Variants in SRGAP3 observed in about 807,000 individuals in gnomAD.
SRGAP3 encodes the protein SLIT-ROBO Rho GTPase activating protein 3, also known as SLIT-ROBO Rho GTPase-activating protein 3.
In SRGAP3, 39 loss-of-function variants were observed where a neutral mutation model predicts 121.1. That is an observed-to-expected ratio of 0.32 (90% CI 0.25 to 0.42). The LOEUF (loss-of-function observed/expected upper bound fraction) is 0.42. SRGAP3 is among the 10% of genes least tolerant of loss of function. The pLI is 1.00. For synonymous variants in SRGAP3, 601 were observed against 570.0 expected (o/e 1.05, Z -0.77); for missense variants, 1,213 against 1,470.6 (o/e 0.82, Z 2.86).
At chr3:9,266,885 A>G (rs574816245) in intron 3 of SRGAP3, among the ~76,000 whole-genome samples, 53 of 152,266 alleles carry the variant, frequency 3.5e-4, no homozygotes, top group Admixed American at 1.8e-3. Flanking sequence ...GGCTTGGCCT[A>G]TAAATCCATG....
intron 12 of SRGAP3, among the ~76,000 whole-genome samples, chr3:9,032,415 T>C (rs1944530171): frequency 6.6e-6 from 1 of 152,182 alleles, no homozygotes; most frequent in South Asian, 2.1e-4. Flanking sequence ...TCTTTCATGA[T>C]CTGAATCCCT....
rs575871240 is a variant in SRGAP3, at chr3:9,308,080, G to A, written n.442+17930C>T. The stretch of plus-strand genomic sequence containing the variant: ...TGAGGCAGGAGAATCACTTGAACCC[G>A]GGAGGCATAAGTTACAGTGAGCTGA... On this transcript the variant is annotated intron_variant and non_coding_transcript_variant, in intron 3 of 3. Coordinates refer to the SRGAP3 transcript ENST00000490889. Among the ~76,000 whole-genome samples, 12 of 152,310 alleles carry A rather than the reference G, an allele frequency of 7.9e-5. No homozygotes were observed. In the South Asian group the frequency reaches 1.5e-3, roughly 18 times the overall value.
intron 3 of SRGAP3, among the ~76,000 whole-genome samples, chr3:9,292,419 T>C (rs1954885046): frequency 6.6e-6 from 1 of 152,170 alleles, no homozygotes; most frequent in Non-Finnish European, 1.5e-5. Flanking sequence ...CCATGAAGCC[T>C]TCTCTGCCTT....
At chr3:9,067,235 A>G (rs1227958275) in intron 4 of SRGAP3, among the ~76,000 whole-genome samples, 1 of 129,762 alleles carries the variant, frequency 7.7e-6, no homozygotes, top group Non-Finnish European at 1.6e-5. Context: ...CAAGCTCTGG[A>G]GAACATTAAC....
chr3:9,063,181 G>A (rs898361941), intron 5 of SRGAP3, among the ~76,000 whole-genome samples: 5 of 139,274 alleles, frequency 3.6e-5, no homozygotes, highest in Non-Finnish European at 6.0e-5. Context: ...TGCCCAGGCT[G>A]GAGTGCAGTG....
chr3:9,351,143 C>T (rs148151492), intron 1 of SRGAP3, among the ~76,000 whole-genome samples: 77 of 152,236 alleles, frequency 5.1e-4, no homozygotes, highest in Non-Finnish European at 9.3e-4. Context: ...TTGGAATTAG[C>T]CAGTGACACA....
At chr3:9,202,475 T>A (rs1952099615) in intron 1 of SRGAP3, among the ~76,000 whole-genome samples, 1 of 152,246 alleles carries the variant, frequency 6.6e-6, no homozygotes, top group Admixed American at 6.5e-5. Flanking sequence ...GGGCAGCTCC[T>A]GCACAGGATA....
intron 1 of SRGAP3, among the ~76,000 whole-genome samples, chr3:9,191,505 C>T (rs1173017204): frequency 6.6e-6 from 1 of 152,172 alleles, no homozygotes; most frequent in African/African-American, 2.4e-5. Context: ...AAGGAGGAAA[C>T]TCAGCCTGCC....
chr3:9,039,618 T>C (rs2662078), intron 10 of SRGAP3, among the ~76,000 whole-genome samples: 28,277 of 152,140 alleles, frequency 0.19, 2,682 homozygotes, highest in South Asian at 0.25. Flanking sequence ...AAAAAGATCT[T>C]TCATGCCCAC....
At chr3:9,328,503 A>G (rs1955553523) in intron 2 of SRGAP3, among the ~76,000 whole-genome samples, 1 of 152,218 alleles carries the variant, frequency 6.6e-6, no homozygotes, top group African/African-American at 2.4e-5. Flanking sequence ...AGCACTCTTT[A>G]ATAAAGTCCT....
At chr3:9,227,579 C>T (rs1953035689) in intron 1 of SRGAP3, among the ~76,000 whole-genome samples, 2 of 152,218 alleles carry the variant, frequency 1.3e-5, no homozygotes, top group South Asian at 4.1e-4. Flanking sequence ...GTCTGGCTTC[C>T]CAGTCCAATG....
upstream of SRGAP3, among the ~76,000 whole-genome samples, chr3:9,251,447 C>T (rs1954014908): frequency 6.6e-6 from 1 of 152,172 alleles, no homozygotes; most frequent in African/African-American, 2.4e-5. Context: ...AAGATGGGCA[C>T]AGAGATTAAC....
At chr3:9,223,020 A>G (rs1020869481) in intron 1 of SRGAP3, among the ~76,000 whole-genome samples, 2 of 152,226 alleles carry the variant, frequency 1.3e-5, no homozygotes, top group African/African-American at 4.8e-5. Context: ...AGGGGCTGAG[A>G]GTGCAGTCCT....
At position 9,239,205 on chromosome 3, in the gene SRGAP3, C is replaced by T. The variant is rs1444877361; in HGVS notation, c.67+9680G>A. Among the ~76,000 whole-genome samples, 2 of 152,082 alleles carry T rather than the reference C, an allele frequency of 1.3e-5. No homozygotes were observed. The highest frequency in any genetic ancestry group is 2.9e-5 in the Non-Finnish European group (2 of 68,014). On this transcript the variant is annotated intron_variant, in intron 1 of 21. Transcript: ENST00000383836. This position sits in a 1 kb window ranked among gnomAD's most constrained non-coding sequence, Gnocchi z 4.0. ...AACCAGCCTGGCCAACATGGTGATA[C>T]CCTGTCTCTACTAAAAATACAAAAA...
At chr3:9,060,412 T>A (rs1053266055) in intron 5 of SRGAP3, 53 bp from the exon 6 acceptor site, 2 of 1,598,682 alleles carry the variant, frequency 1.3e-6, no homozygotes, top group Non-Finnish European at 1.7e-6. Context: ...AGGACGGGGT[T>A]TGTGATTTTC....
At chr3:9,311,268 G>T (rs1434148585) in intron 3 of SRGAP3, among the ~76,000 whole-genome samples, 2 of 152,132 alleles carry the variant, frequency 1.3e-5, no homozygotes, top group Non-Finnish European at 2.9e-5. Flanking sequence ...ACTCTAGGAA[G>T]ATAATCGCGA....
At chr3:9,297,910 AG>A (rs1275291062) in intron 3 of SRGAP3, among the ~76,000 whole-genome samples, 3 of 151,620 alleles carry the variant, frequency 2.0e-5, no homozygotes. Flanking sequence ...AAAAAAAAAG[AG>A]AAAGAGAGTA....
chr3:9,362,913 CCG>C (rs1341988509), exon 1 of SRGAP3: 1 of 152,270 alleles, frequency 6.6e-6, no homozygotes, highest in Non-Finnish European at 1.5e-5. Context: ...CCCTGACTCT[CCG>C]CTTTCAGCTT....
At chr3:9,230,451 A>C (rs1953161157) in intron 1 of SRGAP3, among the ~76,000 whole-genome samples, 1 of 152,178 alleles carries the variant, frequency 6.6e-6, no homozygotes, top group South Asian at 2.1e-4. Context: ...ATGCCACTGG[A>C]GACTTCACCT....
Sources: gnomAD v4.1 joint callset for allele counts (sites outside exome capture counted in the v4.1 genomes callset) on GRCh38, gnomAD v4.1.1 for gene constraint, Gnocchi (gnomAD v3.1) non-coding constraint, MANE v1.5 for transcripts, NCBI Gene and HGNC (gene_info 2026-07-23, HGNC 2026-07-21) for gene names.